CDYL: variants seen among roughly 807,000 people sequenced by gnomAD.
CDYL encodes the protein chromodomain Y-like protein.
CDYL carries 8 observed loss-of-function variants against 47.3 expected under a neutral mutation model. The ratio of observed to expected loss-of-function variants is 0.17; its 90% CI spans 0.10 to 0.31. CDYL has a LOEUF of 0.31. Ranked by LOEUF, CDYL falls within the 10% of genes least tolerant of loss-of-function variation. CDYL has a pLI of 1.00. For synonymous variants in CDYL, 266 were observed against 265.0 expected (o/e 1.00, Z -0.04); for missense variants, 471 against 701.4 (o/e 0.67, Z 3.71).
intron 2 of CDYL, among the ~76,000 whole-genome samples, chr6:4,893,460 AG>A (rs1762108473): frequency 6.6e-6 from 1 of 152,194 alleles, no homozygotes; most frequent in Non-Finnish European, 1.5e-5. Context: ...TGGGAGGCCG[AG>A]GAGGGCAGAT....
rs183157482 is a variant in CDYL at position 4,914,013 on chromosome 6, T to C, written c.692-21502T>C. Reference sequence around the variant, plus strand: ...GTCATAGAGGACTGACTGCTCTCTCTATGGTTTCTCCTCTCCTAGGAGTGG... The same window carrying C: ...GTCATAGAGGACTGACTGCTCTCTCCATGGTTTCTCCTCTCCTAGGAGTGG... On this transcript the variant is annotated intron_variant, in intron 2 of 6. Transcript: ENST00000397588. Among the ~76,000 whole-genome samples, 15 of 152,314 alleles carry C rather than the reference T, an allele frequency of 9.8e-5. 1 individual carries two copies. In the East Asian group the frequency reaches 1.9e-3, roughly 20 times the overall value.
At chr6:4,743,171 GC>G (rs1247870940) in intron 3 of CDYL, among the ~76,000 whole-genome samples, 2 of 152,196 alleles carry the variant, frequency 1.3e-5, no homozygotes, top group African/African-American at 2.4e-5. Context: ...ATGGGAACAC[GC>G]TTAATCTAAT....
chr6:4,895,731 C>A (rs962485716), intron 2 of CDYL, among the ~76,000 whole-genome samples: 4 of 152,042 alleles, frequency 2.6e-5, no homozygotes, highest in Non-Finnish European at 5.9e-5. Flanking sequence ...AACTGCAGCC[C>A]TCGCCAGATC....
At chr6:4,820,055 G>A (rs1368532544) in intron 1 of CDYL, among the ~76,000 whole-genome samples, 1 of 152,178 alleles carries the variant, frequency 6.6e-6, no homozygotes, top group Non-Finnish European at 1.5e-5. Flanking sequence ...GGTGGGGAAT[G>A]CAGGCTGATT....
intron 2 of CDYL, among the ~76,000 whole-genome samples, chr6:4,905,917 T>C (rs568172828): frequency 6.6e-6 from 1 of 152,354 alleles, no homozygotes; most frequent in Admixed American, 6.5e-5. Context: ...ATTTCACCAA[T>C]TGAGTAATTT....
At chr6:4,826,880 T>G (rs550513764) in intron 1 of CDYL, among the ~76,000 whole-genome samples, 1 of 152,350 alleles carries the variant, frequency 6.6e-6, no homozygotes, top group South Asian at 2.1e-4. Flanking sequence ...TTCTAGATAA[T>G]CTGTCCTGTA....
chr6:4,740,487 A>G (rs751240741), intron 3 of CDYL, among the ~76,000 whole-genome samples: 1 of 152,214 alleles, frequency 6.6e-6, no homozygotes, highest in Non-Finnish European at 1.5e-5. Context: ...ATCTGGTCCA[A>G]ATGTCAATAG....
intron 1 of CDYL, among the ~76,000 whole-genome samples, chr6:4,860,208 A>T (rs1333052138): frequency 1.3e-5 from 2 of 152,090 alleles, no homozygotes; most frequent in East Asian, 1.9e-4. Context: ...GCCAGTTCAT[A>T]AGGATCGTAA....
chr6:4,891,790 C>T lies in CDYL; in HGVS notation c.102C>T (p.Ser34=), dbSNP rs369230031. 61 of 1,613,938 alleles carry T rather than the reference C, an allele frequency of 3.8e-5. No individual in the cohort carries two copies. Among genetic ancestry groups the T allele is most frequent in the East Asian group, 1.8e-4 (8 of 44,892 alleles). Residue 34 remains serine, a synonymous_variant, in exon 2 of 7, where the codon AGC becomes AGT. Coordinates refer to ENST00000397588, the MANE Select transcript of CDYL (RefSeq NM_004824.4). The part of the protein sequence containing the change: ...EYLVRWKGYD[S]EDDTWEPEQH... ...TGGTTCGGTGGAAAGGCTATGACAG[C>T]GAGGACGACACTTGGGAGCCGGAAC... is the stretch of plus-strand genomic sequence containing the variant.
chr6:4,776,712 CAA>C lies in CDYL; in HGVS notation c.-70_-69del. On this transcript the variant is annotated 5_prime_UTR_variant, in exon 1 of 7. Transcript: ENST00000397588. The stretch of plus-strand genomic sequence containing the variant: ...CAGGCCACGCAGGACCCAACTGAAA[CAA>C]AGTGTCGGCCGCCCGGCGCCGGCGC... The C allele has an allele frequency of 7.9e-7, 1 of 1,265,792 alleles. No individual in the cohort carries two copies. Among genetic ancestry groups the C allele is most frequent in the Non-Finnish European group, 1.0e-6 (1 of 980,742 alleles). The allele number at this position is 1,265,792 out of a possible 1,614,324, so 78.4% of individuals were successfully genotyped here.
chr6:4,780,647 T>C (rs1758593807), intron 1 of CDYL, among the ~76,000 whole-genome samples: 1 of 152,070 alleles, frequency 6.6e-6, no homozygotes, highest in South Asian at 2.1e-4. Flanking sequence ...ATCAGTAAAA[T>C]AGGAGGATGA....
intron 3 of CDYL, among the ~76,000 whole-genome samples, chr6:4,753,567 C>G (rs1254682523): frequency 2.0e-5 from 3 of 152,166 alleles, no homozygotes; most frequent in African/African-American, 7.2e-5. Flanking sequence ...ATTGTCAGGG[C>G]ACTGTGTATT....
intron 2 of CDYL, among the ~76,000 whole-genome samples, chr6:4,907,906 G>A (rs1211704724): frequency 1.3e-5 from 2 of 152,086 alleles, no homozygotes; most frequent in Non-Finnish European, 2.9e-5. Flanking sequence ...TCTTCAGCAT[G>A]TCCTAAACGT....
chr6:4,951,658 A>G (rs1758708560), intron 5 of CDYL, among the ~76,000 whole-genome samples: 1 of 152,034 alleles, frequency 6.6e-6, no homozygotes, highest in Non-Finnish European at 1.5e-5. Context: ...TTCGTATCCA[A>G]GCGATACAAG....
At chr6:4,937,460 C>A in intron 3 of CDYL, 105 bp from the exon 4 acceptor site, 1 of 854,968 alleles carries the variant, frequency 1.2e-6, no homozygotes, top group Non-Finnish European at 1.7e-6. Flanking sequence ...TAAACCACTG[C>A]ACGCCAACCT....
At chr6:4,953,122 G>T (rs942409969) in intron 6 of CDYL, among the ~76,000 whole-genome samples, 2 of 150,886 alleles carry the variant, frequency 1.3e-5, no homozygotes, top group Non-Finnish European at 3.0e-5. Flanking sequence ...AGTGGCTCAC[G>T]CCTATAATCC....
intron 2 of CDYL, among the ~76,000 whole-genome samples, chr6:4,902,236 TA>T (rs60097630): frequency 0.028 from 4,014 of 140,906 alleles, 83 homozygotes; most frequent in East Asian, 0.093. Context: ...CTGTCTCTAC[TA>T]AAAAAAAAAA....
At chr6:4,795,342 A>G (rs184625457) in intron 1 of CDYL, among the ~76,000 whole-genome samples, 14 of 152,220 alleles carry the variant, frequency 9.2e-5, no homozygotes, top group Non-Finnish European at 1.9e-4. Context: ...TTTTGTGTAT[A>G]TTGCTACAGT....
At chr6:4,859,899 T>G (rs977123936) in intron 1 of CDYL, among the ~76,000 whole-genome samples, 1 of 148,810 alleles carries the variant, frequency 6.7e-6, no homozygotes. Flanking sequence ...TTTTTTGTCT[T>G]TTTTTTTCTT....
Sources: gnomAD v4.1 joint callset for allele counts (sites outside exome capture counted in the v4.1 genomes callset) on GRCh38, gnomAD v4.1.1 for gene constraint, MANE v1.5 for transcripts, NCBI Gene and HGNC (gene_info 2026-07-23, HGNC 2026-07-21) for gene names.